The following HEATR5B variants were observed in gnomAD, a reference collection of about 807,000 sequenced individuals.
HEATR5B encodes the protein HEAT repeat-containing protein 5B.
Under a neutral mutation model 224.1 loss-of-function variants are expected in HEATR5B, and 156 were observed. The ratio of observed to expected loss-of-function variants is 0.70; its 90% CI spans 0.61 to 0.80. The LOEUF is 0.80. Ranked by LOEUF, HEATR5B falls within the 30% of genes least tolerant of loss-of-function variation. The pLI, the probability that HEATR5B is intolerant of heterozygous loss-of-function variation, is 0.00. For synonymous variants in HEATR5B, 1,027 were observed against 893.0 expected, an observed-to-expected ratio of 1.15 and a Z score of -2.68; for missense variants, 2,323 against 2,535.5, an observed-to-expected ratio of 0.92 and a Z score of 1.80.
Position 37,083,283 on chromosome 2 carries a change from C to CT in HEATR5B, c.126+5_126+6insA. 6.2e-7 allele frequency: 1 copy of CT among 1,613,926 alleles called. No homozygotes were observed. ...ATGCAACTGGGAAAAAAGAGCAATA[C>CT]CATACCTTGTTGGCAGCAACCAAGA... On this transcript the variant is annotated splice_donor_region_variant and intron_variant, in intron 2 of 35. Coordinates refer to ENST00000233099, the MANE Select transcript of HEATR5B (RefSeq NM_019024.3).
intron 20 of HEATR5B, among the ~76,000 whole-genome samples, chr2:37,039,185 G>C (rs1020687052): frequency 6.7e-6 from 1 of 149,914 alleles, no homozygotes; most frequent in Non-Finnish European, 1.5e-5. Context: ...AAAAAAAAAA[G>C]GCCGGGTGTG....
chr2:37,040,590 G>GAGTATACTGAA, intron 19 of HEATR5B, 72 bp from the exon 20 acceptor site: 2 of 1,079,472 alleles, frequency 1.9e-6, no homozygotes, highest in Non-Finnish European at 1.3e-6. Flanking sequence ...ATACTGAATT[G>GAGTATACTGAA]TTACATGGGT....
At chr2:36,997,567 C>CTTTTTTT (rs10699174) in intron 33 of HEATR5B, among the ~76,000 whole-genome samples, 3 of 129,578 alleles carry the variant, frequency 2.3e-5, no homozygotes, top group Non-Finnish European at 3.1e-5. Flanking sequence ...CTCTGCCATT[C>CTTTTTTT]TTTTTTTTTT....
At chr2:37,060,052 A>C (rs1267243846) in intron 12 of HEATR5B, among the ~76,000 whole-genome samples, 1 of 152,150 alleles carries the variant, frequency 6.6e-6, no homozygotes, top group African/African-American at 2.4e-5. Flanking sequence ...ACGAAACAAA[A>C]CCTGAGCGTT....
chr2:37,064,790 A>G lies in HEATR5B; in HGVS notation c.1534T>C (p.Leu512=). The G allele has an allele frequency of 1.2e-6, 2 of 1,614,018 alleles. No homozygotes were observed. Among genetic ancestry groups the G allele is most frequent in the Non-Finnish European group, 1.7e-6 (2 of 1,179,976 alleles). The change falls in exon 10 of 36, where the codon TTA becomes CTA. Residue 512 remains leucine (L), a synonymous_variant. Transcript: ENST00000233099. ...SGYSFAMAAL[L]GGVHQCPLGI... ...AAAGGACACTGATGTACTCCACCTA[A>G]CAAAGCAGCCATTGCAAAACTATAT... is the stretch of plus-strand genomic sequence containing the variant.
intron 27 of HEATR5B, among the ~76,000 whole-genome samples, chr2:37,010,602 C>A (rs896183151): frequency 8.6e-5 from 13 of 151,780 alleles, no homozygotes; most frequent in African/African-American, 1.5e-4. Context: ...CAATCTCCAC[C>A]TCCCGGGTTC....
intron 30 of HEATR5B, among the ~76,000 whole-genome samples, chr2:37,004,894 A>G (rs1193317382): frequency 6.6e-6 from 1 of 152,106 alleles, no homozygotes; most frequent in African/African-American, 2.4e-5. Context: ...AATTATGAAA[A>G]AAGCCTCAGA....
chr2:37,063,877 C>T (rs2541008), intron 10 of HEATR5B, among the ~76,000 whole-genome samples: 111,560 of 152,048 alleles, frequency 0.73, 41,715 homozygotes, highest in African/African-American at 0.88. Flanking sequence ...AGTGGTGCAA[C>T]CTCAGCTCAC....
intron 18 of HEATR5B, among the ~76,000 whole-genome samples, chr2:37,042,676 G>A (rs1035735132): frequency 1.3e-5 from 2 of 152,114 alleles, no homozygotes; most frequent in African/African-American, 2.4e-5. Context: ...TGGATCACTC[G>A]AGGTCAGGAG....
intron 20 of HEATR5B, 48 bp from the exon 21 acceptor site, chr2:37,038,072 C>T (rs1313639997): frequency 8.1e-7 from 1 of 1,227,878 alleles, no homozygotes; most frequent in Non-Finnish European, 1.1e-6. Context: ...TTTATTAGTA[C>T]CACCAAAAAT....
intron 24 of HEATR5B, among the ~76,000 whole-genome samples, chr2:37,022,080 C>T (rs971540490): frequency 2.2e-4 from 34 of 151,786 alleles, no homozygotes; most frequent in African/African-American, 6.8e-4. Context: ...TGTGTTTTTT[C>T]CCAGGTGAAT....
intron 32 of HEATR5B, among the ~76,000 whole-genome samples, 162 bp downstream of exon 32, chr2:37,002,144 T>C (rs552599320): frequency 6.6e-6 from 1 of 152,352 alleles, no homozygotes; most frequent in South Asian, 2.1e-4. Flanking sequence ...TTAATCTTCA[T>C]AGGCTCCTAA....
At chr2:37,008,275 A>C in intron 28 of HEATR5B, 1 of 218,642 alleles carries the variant, frequency 4.6e-6, no homozygotes, top group East Asian at 1.1e-4. Context: ...TCTGAAATAG[A>C]ATATGAAAAT....
At chr2:37,011,600 T>C (rs370081519) in intron 27 of HEATR5B, among the ~76,000 whole-genome samples, 4 of 152,260 alleles carry the variant, frequency 2.6e-5, no homozygotes, top group South Asian at 2.1e-4. Context: ...TTAGTTTTAC[T>C]GATAAACATG....
intron 32 of HEATR5B, among the ~76,000 whole-genome samples, chr2:37,001,058 T>G (rs1249792488): frequency 6.6e-6 from 1 of 152,224 alleles, no homozygotes; most frequent in Non-Finnish European, 1.5e-5. Context: ...TTATTTTTAT[T>G]ACTTCTAATA....
chr2:37,045,726 G>C (rs936861301), intron 18 of HEATR5B, among the ~76,000 whole-genome samples: 1 of 152,006 alleles, frequency 6.6e-6, no homozygotes, highest in Admixed American at 6.6e-5. Flanking sequence ...TAGCTACCTT[G>C]CCTCCCCAAA....
At chr2:36,982,863 T>TACACACACACACACACACACACACAC (rs3836070) in intron 35 of HEATR5B, among the ~76,000 whole-genome samples, 23 of 126,002 alleles carry the variant, frequency 1.8e-4, no homozygotes, top group East Asian at 4.8e-4. Flanking sequence ...CAGACACAGA[T>TACACACACACACACACACACACACAC]ACACACACAC....
chr2:36,997,468 C>A (rs1666795734), intron 33 of HEATR5B, among the ~76,000 whole-genome samples: 1 of 152,190 alleles, frequency 6.6e-6, no homozygotes, highest in Admixed American at 6.6e-5. Flanking sequence ...GGATTATAGG[C>A]ATGAGCCACC....
Position 37,028,778 on chromosome 2 carries a change from A to G in HEATR5B, c.3504T>C (p.Asp1168=). The G allele has an allele frequency of 6.2e-7, 1 of 1,614,148 alleles. No homozygotes were observed. The highest frequency in any genetic ancestry group is 8.5e-7 in the Non-Finnish European group (1 of 1,180,010). ...GCATATGTCCCAAAGTGTCATGAATATCAGAACATAATTTTCGATCTGTCT... is the reference window on the plus strand; with the variant it reads ...GCATATGTCCCAAAGTGTCATGAATGTCAGAACATAATTTTCGATCTGTCT... The part of the protein sequence containing the change: ...DRETDRKLCS[D]IHDTLGHMLS... Residue 1168 remains aspartate, a synonymous_variant, in exon 23 of 36, where the codon GAT becomes GAC. Transcript: ENST00000233099.
Sources: gnomAD v4.1 joint callset for allele counts (sites outside exome capture counted in the v4.1 genomes callset) on GRCh38, gnomAD v4.1.1 for gene constraint, MANE v1.5 for transcripts, NCBI Gene and HGNC (gene_info 2026-07-23, HGNC 2026-07-21) for gene names.